Variants in CD2AP observed in about 807,000 individuals in gnomAD.
The protein encoded by CD2AP is CD2-associated protein.
In CD2AP, 46 loss-of-function variants were observed where a neutral mutation model predicts 85.1. The observed-to-expected ratio is 0.54, with a 90% CI of 0.43 to 0.69. The LOEUF (loss-of-function observed/expected upper bound fraction) is 0.69, where lower values mean the gene tolerates loss of function less well. Among genes scored for constraint, CD2AP ranks in the 30% least tolerant of loss-of-function variants. The pLI, the probability that CD2AP is intolerant of heterozygous loss-of-function variation, is 0.00. For missense variants in CD2AP, 769 were observed against 729.5 expected (o/e 1.05, Z -0.62); for synonymous variants, 255 against 252.9 (o/e 1.01, Z -0.08).
At chr6:47,485,466 A>G (rs921607436) in intron 1 of CD2AP, among the ~76,000 whole-genome samples, 13 of 152,228 alleles carry the variant, frequency 8.5e-5, no homozygotes, top group African/African-American at 3.1e-4. Flanking sequence ...GTACAACTAT[A>G]CAATGTGTTG....
chr6:47,600,466 T>C (rs751963703), intron 13 of CD2AP, among the ~76,000 whole-genome samples: 17 of 152,066 alleles, frequency 1.1e-4, no homozygotes, highest in Non-Finnish European at 2.2e-4. Flanking sequence ...CTCTTTCAGT[T>C]TGCGAATGCA....
intron 1 of CD2AP, among the ~76,000 whole-genome samples, chr6:47,500,675 T>A (rs747343157): frequency 3.9e-5 from 6 of 152,042 alleles, no homozygotes; most frequent in South Asian, 2.1e-4. Context: ...TGGTCTCAAG[T>A]GGTTATAGCA....
At chr6:47,498,268 A>C (rs991386802) in intron 1 of CD2AP, among the ~76,000 whole-genome samples, 2 of 152,004 alleles carry the variant, frequency 1.3e-5, no homozygotes, top group Non-Finnish European at 2.9e-5. Flanking sequence ...GTGACTTTTA[A>C]TTTTTCTTTT....
chr6:47,622,830 C>G (rs1769794546), intron 17 of CD2AP, among the ~76,000 whole-genome samples: 1 of 152,102 alleles, frequency 6.6e-6, no homozygotes, highest in Non-Finnish European at 1.5e-5. Flanking sequence ...TGTCTGGAGC[C>G]GCAATCTAGT....
intron 5 of CD2AP, among the ~76,000 whole-genome samples, chr6:47,559,247 G>GT (rs936182499): frequency 6.8e-6 from 1 of 146,620 alleles, no homozygotes; most frequent in Non-Finnish European, 1.5e-5. Context: ...CGGTCTCTCT[G>GT]TTTCGTGCAA....
At chr6:47,577,489 A>G (rs1768345738) in intron 8 of CD2AP, among the ~76,000 whole-genome samples, 1 of 152,088 alleles carries the variant, frequency 6.6e-6, no homozygotes, top group Non-Finnish European at 1.5e-5. Flanking sequence ...CAGAAGAAAA[A>G]TAGGGAAACA....
Position 47,606,850 on chromosome 6 carries a change from T to C in CD2AP, c.1530+573T>C, listed in dbSNP as rs114996739. On this transcript the variant is annotated intron_variant, in intron 14 of 17. Transcript: ENST00000359314. Reference sequence around the variant, plus strand: ...AATTGTACTCTTAGTTATTTTTAAGTGTACAATTAAATTATTTTTGACTAG... The same window carrying C: ...AATTGTACTCTTAGTTATTTTTAAGCGTACAATTAAATTATTTTTGACTAG... Among the ~76,000 whole-genome samples, 1,421 of 152,190 alleles carry C rather than the reference T, an allele frequency of 9.3e-3. 27 individuals carry two copies. The highest frequency in any genetic ancestry group is 0.032 in the African/African-American group (1,348 of 41,558).
chr6:47,539,115 C>T (rs1309211693), intron 3 of CD2AP, among the ~76,000 whole-genome samples: 2 of 152,108 alleles, frequency 1.3e-5, no homozygotes. Flanking sequence ...CACAGTCTAG[C>T]AGGGGCGAAC....
At chr6:47,490,974 C>T (rs554606042) in intron 1 of CD2AP, among the ~76,000 whole-genome samples, 5 of 152,066 alleles carry the variant, frequency 3.3e-5, no homozygotes, top group African/African-American at 9.6e-5. Flanking sequence ...AAATAAATGA[C>T]GGAATTTCTA....
chr6:47,573,995 C>T (rs1582577024), intron 5 of CD2AP, 69 bp from the exon 6 acceptor site: 2 of 1,302,420 alleles, frequency 1.5e-6, no homozygotes, highest in Non-Finnish European at 1.1e-6. Context: ...AGAATGTAGA[C>T]ATTATGACAG....
In CD2AP at chr6:47,525,767, C is replaced by T. The variant is rs142865262; in HGVS notation, c.166-7835C>T. 1.6e-3 allele frequency among the ~76,000 whole-genome samples: 236 copies of T among 152,244 alleles called. 1 individual carries two copies. Among genetic ancestry groups the T allele is most frequent in the African/African-American group, 5.3e-3 (222 of 41,564 alleles). ...TTTTATCCTCTTGTTGTACTACCTA[C>T]TCTTTATCTATAAGCAAAACCAATC... On this transcript the variant is annotated intron_variant, in intron 2 of 17. Transcript: ENST00000359314.
chr6:47,563,195 C>T (rs903986112), intron 5 of CD2AP, among the ~76,000 whole-genome samples: 2 of 151,986 alleles, frequency 1.3e-5, no homozygotes, highest in Non-Finnish European at 2.9e-5. Context: ...GTATGTAATC[C>T]CTATGTAGTC....
intron 5 of CD2AP, among the ~76,000 whole-genome samples, chr6:47,560,438 T>C (rs1767826418): frequency 6.6e-6 from 1 of 152,182 alleles, no homozygotes; most frequent in Non-Finnish European, 1.5e-5. Flanking sequence ...ACATGGAATT[T>C]ATTTCCAGTG....
At chr6:47,486,617 C>G (rs569440769) in intron 1 of CD2AP, among the ~76,000 whole-genome samples, 1 of 152,254 alleles carries the variant, frequency 6.6e-6, no homozygotes, top group South Asian at 2.1e-4. Flanking sequence ...GGCAAAGAGT[C>G]TTTAGAATGA....
At chr6:47,623,033 C>G (rs946380045) in intron 17 of CD2AP, among the ~76,000 whole-genome samples, 2 of 152,198 alleles carry the variant, frequency 1.3e-5, no homozygotes, top group African/African-American at 4.8e-5. Flanking sequence ...ACAGATCGGG[C>G]TGACAATGAA....
At chr6:47,592,939 T>C (rs1768842459) in intron 11 of CD2AP, among the ~76,000 whole-genome samples, 1 of 152,142 alleles carries the variant, frequency 6.6e-6, no homozygotes, top group Admixed American at 6.6e-5. Context: ...GGAGTGATCA[T>C]GGGAATCCCC....
intron 2 of CD2AP, among the ~76,000 whole-genome samples, chr6:47,505,458 T>A (rs1766116437): frequency 6.6e-6 from 1 of 150,990 alleles, no homozygotes; most frequent in Non-Finnish European, 1.5e-5. Flanking sequence ...ACCATCCGAT[T>A]TCTCAATCTC....
At chr6:47,598,215 G>C (rs1002381602) in intron 12 of CD2AP, among the ~76,000 whole-genome samples, 2 of 150,876 alleles carry the variant, frequency 1.3e-5, no homozygotes, top group African/African-American at 4.8e-5. Context: ...CCTCACTTCT[G>C]CAAGAATGGC....
intron 13 of CD2AP, among the ~76,000 whole-genome samples, chr6:47,603,314 T>C (rs892357668): frequency 1.4e-4 from 21 of 152,100 alleles, no homozygotes; most frequent in African/African-American, 4.3e-4. Flanking sequence ...AACATATTTT[T>C]CTTCTTTGAT....
Sources: allele counts gnomAD v4.1 joint callset (sites outside exome capture counted in the v4.1 genomes callset), GRCh38; gene constraint gnomAD v4.1.1; transcripts MANE v1.5; gene names NCBI Gene and HGNC (gene_info 2026-07-23, HGNC 2026-07-21).